ANKRD42: variants seen among roughly 807,000 people sequenced by gnomAD.
ANKRD42 encodes ankyrin repeat domain 42.
ANKRD42 carries 43 observed loss-of-function variants against 51.5 expected under a neutral mutation model. The observed-to-expected ratio is 0.83, with a 90% CI of 0.65 to 1.08. ANKRD42 has a LOEUF of 1.08. Among genes scored for constraint, ANKRD42 ranks in the 50% least tolerant of loss-of-function variants. ANKRD42 has a pLI of 0.00. For synonymous variants in ANKRD42, 203 were observed against 213.0 expected (o/e 0.95, Z 0.41); for missense variants, 608 against 629.3 (o/e 0.97, Z 0.36).
intron 7 of ANKRD42, among the ~76,000 whole-genome samples, chr11:83,234,253 C>A (rs1863163302): frequency 6.6e-6 from 1 of 152,076 alleles, no homozygotes; most frequent in Non-Finnish European, 1.5e-5. Flanking sequence ...AAGTTGACAT[C>A]TGTTTATAAT....
At chr11:83,227,927 C>T (rs956847717) in intron 7 of ANKRD42, 55 bp downstream of exon 7, 8 of 1,526,872 alleles carry the variant, frequency 5.2e-6, no homozygotes, top group Non-Finnish European at 7.0e-6. Context: ...AGTTATTCAT[C>T]TTTTAAAGTA....
rs1276405208 is a variant in ANKRD42, at chr11:83,210,841, TTTA to T, written c.450+427_450+429del. On this transcript the variant is annotated intron_variant, in intron 4 of 10. Coordinates refer to ENST00000533342, the MANE Select transcript of ANKRD42 (RefSeq NM_001300975.2). ...AATTTTGTTTATTGCAATATTTAAT[TTTA>T]TTATGTAGTGGTTGTAATAAATAAC... Among the ~76,000 whole-genome samples the T allele has an allele frequency of 2.6e-5, 4 of 152,356 alleles. No individual in the cohort carries two copies. The South Asian group carries it at 8.3e-4, about 32-fold the overall frequency.
rs567501917 is a variant in ANKRD42 at position 83,222,252 on chromosome 11, G to A, written c.587-2603G>A. On this transcript the variant is annotated intron_variant, in intron 5 of 10. Transcript: ENST00000533342. ...CGTGAAATTAGCTTGCTTCTTCAGG[G>A]CCATTTTGGAACTAGAAACCCTCTC... Among the ~76,000 whole-genome samples the A allele has an allele frequency of 3.3e-5, 5 of 152,200 alleles. No individual in the cohort carries two copies. The South Asian group carries it at 8.3e-4, about 25-fold the overall frequency.
chr11:83,209,354 T>C, intron 3 of ANKRD42: 1 of 1,404,310 alleles, frequency 7.1e-7, no homozygotes. Flanking sequence ...GGGAGTTGCT[T>C]GGAGGTTGGC....
At position 83,242,173 on chromosome 11, in the gene ANKRD42, T is replaced by TTA. The variant is rs202222627; in HGVS notation, c.1195+1249_1195+1250dup. ...TCTATGTATTCCCTTTAAGCAATAT[T>TTA]TATATATATATCCTGGTTCTTGAAA... On this transcript the variant is annotated intron_variant, in intron 9 of 10. Coordinates refer to ENST00000533342, the MANE Select transcript of ANKRD42 (RefSeq NM_001300975.2). 6.9e-4 allele frequency among the ~76,000 whole-genome samples: 105 copies of TTA among 152,248 alleles called. 2 individuals carry two copies. In the East Asian group the frequency reaches 0.013, roughly 19 times the overall value.
Position 83,194,573 on chromosome 11 carries a change from G to A in ANKRD42, c.-98G>A. ...CCTAGTGACGACGGAGAAGAGGGCC[G>A]CTGCCGCTGCAGTGGCTCGTGGGTG... On this transcript the variant is annotated 5_prime_UTR_variant, in exon 1 of 11. Transcript: ENST00000533342. The A allele has an allele frequency of 4.1e-6, 5 of 1,229,554 alleles. No individual in the cohort carries two copies. Among genetic ancestry groups the A allele is most frequent in the Non-Finnish European group, 3.6e-6 (3 of 842,224 alleles). The allele number at this position is 1,229,554 out of a possible 1,614,324, so 76.2% of individuals were successfully genotyped here.
chr11:83,206,775 T>C (rs945471019), intron 3 of ANKRD42, among the ~76,000 whole-genome samples: 8 of 152,242 alleles, frequency 5.3e-5, no homozygotes, highest in Non-Finnish European at 1.5e-5. Flanking sequence ...TATTTTGTTA[T>C]AGTAGTCCAA....
intron 5 of ANKRD42, among the ~76,000 whole-genome samples, chr11:83,222,507 G>A (rs513468): frequency 0.71 from 108,319 of 152,054 alleles, 39,352 homozygotes; most frequent in African/African-American, 0.84. Context: ...AGAGGGCATG[G>A]AATTTGAAAT....
intron 6 of ANKRD42, among the ~76,000 whole-genome samples, chr11:83,227,030 T>C (rs1862907989): frequency 6.6e-6 from 1 of 152,200 alleles, no homozygotes; most frequent in South Asian, 2.1e-4. Context: ...ACTCTATATG[T>C]GTGTGCACAT....
rs535416269 is a variant in ANKRD42 at position 83,206,176 on chromosome 11, T to G, written c.330+11T>G. 88 of 1,589,158 alleles carry G rather than the reference T, an allele frequency of 5.5e-5. 1 individual carries two copies. The South Asian group carries it at 9.3e-4, about 17-fold the overall frequency. ...GATGCTTGTGTACAGGTAATAATAT[T>G]ACTTTTTTCAGTAAGTTCAATTACT... On this transcript the variant is annotated intron_variant, in intron 3 of 10. Coordinates refer to ENST00000533342, the MANE Select transcript of ANKRD42 (RefSeq NM_001300975.2).
At chr11:83,215,478 C>T (rs1460801651) in intron 5 of ANKRD42, among the ~76,000 whole-genome samples, 1 of 152,012 alleles carries the variant, frequency 6.6e-6, no homozygotes, top group East Asian at 1.9e-4. Flanking sequence ...CTTACAGCTG[C>T]CATTTTGTTG....
At chr11:83,228,417 A>T (rs950430527) in intron 7 of ANKRD42, among the ~76,000 whole-genome samples, 4 of 151,672 alleles carry the variant, frequency 2.6e-5, no homozygotes, top group Non-Finnish European at 4.4e-5. Context: ...TTTAATAGAG[A>T]TGGGGTTTCA....
chr11:83,247,332 G>C (rs1462484256), intron 10 of ANKRD42, among the ~76,000 whole-genome samples: 1 of 152,022 alleles, frequency 6.6e-6, no homozygotes, highest in Admixed American at 6.5e-5. Context: ...GCCTCCCAAA[G>C]TGCTGGGGTT....
rs1204891395 is a variant in ANKRD42 at position 83,194,058 on chromosome 11, C to G, written c.-613C>G. ...GGGTCAGTGAAAACCTCGGCCACTGCCGCAGCGTCTCTAGGGAGAGAGTTA... is the reference window on the plus strand; with the variant it reads ...GGGTCAGTGAAAACCTCGGCCACTGGCGCAGCGTCTCTAGGGAGAGAGTTA... On this transcript the variant is annotated 5_prime_UTR_variant, in exon 1 of 11. Transcript: ENST00000533342. 1 of 456,414 alleles carries G rather than the reference C, an allele frequency of 2.2e-6. No homozygotes were observed. The highest frequency in any genetic ancestry group is 4.4e-6 in the Non-Finnish European group (1 of 226,802). 28.3% of individuals were successfully genotyped at this position (456,414 alleles called of 1,614,324 possible).
In ANKRD42 at chr11:83,194,262, C is replaced by T. The variant is rs1327364793; in HGVS notation, c.-409C>T. On this transcript the variant is annotated 5_prime_UTR_variant, in exon 1 of 11. Transcript: ENST00000533342. ...GTGGTCCTTGGGAGGGAGTCAGTGA[C>T]ATTCGGGACCCGCGAACTAGTGACT... 1 of 469,666 alleles carries T rather than the reference C, an allele frequency of 2.1e-6. No individual in the cohort carries two copies. Among genetic ancestry groups the T allele is most frequent in the East Asian group, 6.5e-5 (1 of 15,304 alleles). 29.1% of individuals were successfully genotyped at this position (469,666 alleles called of 1,614,324 possible). A position where few individuals can be genotyped will look rare whatever the true frequency, so the allele number is the denominator to read the frequency against.
chr11:83,211,908 C>T (rs950708672), intron 5 of ANKRD42, among the ~76,000 whole-genome samples: 1 of 152,100 alleles, frequency 6.6e-6, no homozygotes. Context: ...TCACACCCAT[C>T]TTATGTACCT....
chr11:83,213,251 A>G (rs913822146), intron 5 of ANKRD42: 3 of 1,597,680 alleles, frequency 1.9e-6, no homozygotes, highest in East Asian at 4.5e-5. Flanking sequence ...CCACAACATC[A>G]AGGAGCTGGA....
At chr11:83,209,910 C>T in intron 3 of ANKRD42, 1 of 398,332 alleles carries the variant, frequency 2.5e-6, no homozygotes, top group Non-Finnish European at 4.6e-6. Context: ...ATACACTTGG[C>T]AGATGGAGGA....
At chr11:83,258,741 T>C (rs1863817250), downstream of ANKRD42, among the ~76,000 whole-genome samples, 1 of 152,194 alleles carries the variant, frequency 6.6e-6, no homozygotes, top group African/African-American at 2.4e-5. Flanking sequence ...TTTTTAAATA[T>C]TAAAAAATAC....
Sources: allele counts gnomAD v4.1 joint callset (sites outside exome capture counted in the v4.1 genomes callset), GRCh38; gene constraint gnomAD v4.1.1; transcripts MANE v1.5; gene names NCBI Gene and HGNC (gene_info 2026-07-23, HGNC 2026-07-21).